JADE3: variants seen among roughly 807,000 people sequenced by gnomAD.
JADE3 encodes the protein jade family PHD finger 3, also known as protein Jade-3.
JADE3 carries 2 observed loss-of-function variants against 50.1 expected under a neutral mutation model. That is an observed-to-expected ratio of 0.04 (90% CI 0.02 to 0.13). The LOEUF is 0.13. Ranked by LOEUF, JADE3 falls within the 10% of genes least tolerant of loss-of-function variation. The pLI is 1.00. For missense variants in JADE3, 475 were observed against 634.4 expected (o/e 0.75, Z 2.70); for synonymous variants, 218 against 232.9 (o/e 0.94, Z 0.58).
intron 8 of JADE3, among the ~76,000 whole-genome samples, chrX:47,053,732 C>T (rs561929832): frequency 3.6e-5 from 4 of 112,226 alleles, no homozygotes; most frequent in Non-Finnish European, 7.5e-5. Context: ...TAGTTAATGA[C>T]GATGCAAAAT....
At chrX:46,915,893 A>G (rs1289642699) in intron 1 of JADE3, among the ~76,000 whole-genome samples, 1 of 111,909 alleles carries the variant, frequency 8.9e-6, no homozygotes, top group Non-Finnish European at 1.9e-5. Flanking sequence ...GCTTTGACCA[A>G]TAGGAAACAC....
At chrX:47,023,958 TGTAA>T (rs1248194175) in intron 4 of JADE3, among the ~76,000 whole-genome samples, 3 of 112,370 alleles carry the variant, frequency 2.7e-5, no homozygotes, top group Non-Finnish European at 5.6e-5. Context: ...GAGATCACCA[TGTAA>T]GTGAGTGACA....
At chrX:46,999,485 A>ATATAT (rs1556358436) in intron 4 of JADE3, among the ~76,000 whole-genome samples, 1 of 105,178 alleles carries the variant, frequency 9.5e-6, no homozygotes, top group African/African-American at 3.4e-5. Context: ...ATATATATAT[A>ATATAT]AAATAGGGTC....
At position 46,929,281 on chromosome X, in the gene JADE3, G is replaced by A. The variant is rs1274778407; in HGVS notation, c.-12+16562G>A. On this transcript the variant is annotated intron_variant, in intron 1 of 10. Coordinates refer to ENST00000614628, the MANE Select transcript of JADE3 (RefSeq NM_014735.5). ...TGTGTGTGTGATAAGCCTAAATTTA[G>A]CTCTCTTTGGAATAACTAACATAAA... 3.6e-5 allele frequency among the ~76,000 whole-genome samples: 4 copies of A among 112,294 alleles called. No individual in the cohort carries two copies. In the East Asian group the frequency reaches 8.3e-4, roughly 23 times the overall value.
intron 1 of JADE3, among the ~76,000 whole-genome samples, chrX:46,981,309 T>C (rs1927748944): frequency 8.9e-6 from 1 of 112,588 alleles, no homozygotes; most frequent in South Asian, 3.6e-4. Context: ...GTATACTGTG[T>C]ATCTGAACAA....
At chrX:46,913,346 G>A (rs1443907258) in intron 1 of JADE3, among the ~76,000 whole-genome samples, 1 of 111,134 alleles carries the variant, frequency 9.0e-6, no homozygotes. Context: ...CGGGCGCCCG[G>A]CGGGCTGGCG....
intron 1 of JADE3, among the ~76,000 whole-genome samples, chrX:46,948,779 A>T (rs782460688): frequency 9.0e-6 from 1 of 111,685 alleles, no homozygotes; most frequent in South Asian, 3.8e-4. Flanking sequence ...GAACATTATA[A>T]GCACCTCAGA....
At chrX:46,925,953 T>C (rs1200372474) in intron 1 of JADE3, among the ~76,000 whole-genome samples, 1 of 109,544 alleles carries the variant, frequency 9.1e-6, no homozygotes, top group South Asian at 3.9e-4. Flanking sequence ...ACTCCTGGGC[T>C]CAAGTAATCT....
At chrX:46,914,255 A>G (rs1450851880) in intron 1 of JADE3, among the ~76,000 whole-genome samples, 2 of 111,610 alleles carry the variant, frequency 1.8e-5, no homozygotes, top group Non-Finnish European at 3.8e-5. Context: ...AGTCGGTCTG[A>G]ACAAAGCATT....
At chrX:46,973,127 T>A (rs1352640765) in intron 1 of JADE3, among the ~76,000 whole-genome samples, 2 of 112,568 alleles carry the variant, frequency 1.8e-5, no homozygotes, top group East Asian at 5.5e-4. Flanking sequence ...CTCACAGAGT[T>A]TGAAATTCCC....
chrX:47,059,178 G>A lies in JADE3; in HGVS notation c.*101G>A. On this transcript the variant is annotated 3_prime_UTR_variant, in exon 11 of 11. Transcript: ENST00000614628. Reference sequence around the variant, plus strand: ...TTAGCATATGTTAAGAGGAATTGCAGTGAAAAGGATAACATTTTTCCATAG... The same window carrying A: ...TTAGCATATGTTAAGAGGAATTGCAATGAAAAGGATAACATTTTTCCATAG... 1 of 583,269 alleles carries A rather than the reference G, an allele frequency of 1.7e-6. No individual in the cohort carries two copies. Among genetic ancestry groups the A allele is most frequent in the Non-Finnish European group, 2.6e-6 (1 of 386,172 alleles). The allele number at this position is 583,269 out of a possible 1,213,427, so 48.1% of individuals were successfully genotyped here. A position where few individuals can be genotyped will look rare whatever the true frequency, so the allele number is the denominator to read the frequency against.
At chrX:46,985,539 A>T (rs184749897) in intron 2 of JADE3, among the ~76,000 whole-genome samples, 174 bp from the exon 3 acceptor site, 22 of 111,998 alleles carry the variant, frequency 2.0e-4, no homozygotes, top group Non-Finnish European at 3.9e-4. Flanking sequence ...AATGTCACTA[A>T]ACTCCATTAT....
intron 1 of JADE3, among the ~76,000 whole-genome samples, chrX:46,940,253 A>G (rs1926725691): frequency 1.8e-5 from 2 of 112,351 alleles, no homozygotes; most frequent in Non-Finnish European, 3.8e-5. Flanking sequence ...ATCCTAGTCT[A>G]TTAACATATA....
At chrX:46,979,317 CTG>C (rs1284859310) in intron 1 of JADE3, among the ~76,000 whole-genome samples, 3 of 112,418 alleles carry the variant, frequency 2.7e-5, no homozygotes, top group African/African-American at 9.7e-5. Context: ...AATGGAGAAA[CTG>C]TTTTATCCAA....
chrX:47,039,259 T>C (rs1397203639), intron 8 of JADE3, among the ~76,000 whole-genome samples, 194 bp downstream of exon 8: 1 of 111,599 alleles, frequency 9.0e-6, no homozygotes, highest in Non-Finnish European at 1.9e-5. Context: ...GCTTATTCTT[T>C]TCAATATTCG....
At chrX:47,018,192 C>T (rs1425073991) in intron 4 of JADE3, among the ~76,000 whole-genome samples, 2 of 111,159 alleles carry the variant, frequency 1.8e-5, no homozygotes, top group Admixed American at 1.9e-4. Flanking sequence ...CCTCCCATCT[C>T]CCCTTACTCT....
intron 3 of JADE3, among the ~76,000 whole-genome samples, chrX:46,990,785 A>G (rs1927971074): frequency 1.8e-5 from 2 of 110,644 alleles, no homozygotes; most frequent in Non-Finnish European, 3.8e-5. Flanking sequence ...AACCATTACA[A>G]TCATAATTTA....
intron 10 of JADE3, 82 bp from the exon 11 acceptor site, chrX:47,058,085 G>A: frequency 1.3e-6 from 1 of 778,335 alleles, no homozygotes; most frequent in Admixed American, 2.8e-5. Context: ...TGGAAGAGTA[G>A]GTATGTGAAC....
intron 1 of JADE3, 65 bp from the exon 2 acceptor site, chrX:46,984,819 G>A (rs1556354085): frequency 2.5e-6 from 2 of 811,751 alleles, no homozygotes; most frequent in East Asian, 6.3e-5. Context: ...CCATGGGACA[G>A]TGTTGACTGC....
Sources: gnomAD v4.1 joint callset for allele counts (sites outside exome capture counted in the v4.1 genomes callset) on GRCh38, gnomAD v4.1.1 for gene constraint, MANE v1.5 for transcripts, NCBI Gene and HGNC (gene_info 2026-07-23, HGNC 2026-07-21) for gene names.